The following PDIA5 variants were observed in gnomAD, a reference collection of about 807,000 sequenced individuals.
PDIA5 encodes protein disulfide-isomerase A5.
Under a neutral mutation model 77.6 loss-of-function variants are expected in PDIA5, and 58 were observed. The ratio of observed to expected loss-of-function variants is 0.75; its 90% confidence interval spans 0.61 to 0.93. The LOEUF is 0.93. Among genes scored for constraint, PDIA5 ranks in the 40% least tolerant of loss-of-function variants. The pLI, the probability that PDIA5 is intolerant of heterozygous loss-of-function variation, is 0.00. For missense variants in PDIA5, 630 were observed against 647.7 expected (o/e 0.97, Z 0.30); for synonymous variants, 250 against 252.1 (o/e 0.99, Z 0.08).
At chr3:123,092,977 T>C (rs1054319201) in intron 3 of PDIA5, among the ~76,000 whole-genome samples, 2 of 152,210 alleles carry the variant, frequency 1.3e-5, no homozygotes, top group South Asian at 4.1e-4. Context: ...CTTCTAAATC[T>C]TTAATGTAGC....
chr3:123,131,350 G>A (rs1220945855), intron 11 of PDIA5, among the ~76,000 whole-genome samples: 1 of 151,798 alleles, frequency 6.6e-6, no homozygotes, highest in African/African-American at 2.4e-5. Context: ...AACCTGGGAG[G>A]TAGAGGTTAT....
chr3:123,126,081 T>G (rs1330547916), intron 10 of PDIA5, among the ~76,000 whole-genome samples: 1 of 152,204 alleles, frequency 6.6e-6, no homozygotes, highest in African/African-American at 2.4e-5. Context: ...CATATCTTTT[T>G]TGGAAGGATA....
intron 13 of PDIA5, among the ~76,000 whole-genome samples, chr3:123,148,250 G>T (rs1008831599): frequency 6.6e-6 from 1 of 152,146 alleles, no homozygotes; most frequent in African/African-American, 2.4e-5. Flanking sequence ...GCTCAGCACA[G>T]GACATGATGT....
intron 5 of PDIA5, among the ~76,000 whole-genome samples, chr3:123,104,531 G>A (rs551850023): frequency 8.1e-4 from 124 of 152,370 alleles, no homozygotes; most frequent in African/African-American, 2.8e-3. Context: ...CCGCATGGTT[G>A]GGCAGAAGCC....
intron 1 of PDIA5, chr3:123,067,427 G>T (rs767667382): frequency 2.0e-4 from 80 of 408,354 alleles, no homozygotes; most frequent in Middle Eastern, 1.2e-3. Context: ...GGGGCAGGAG[G>T]CAGCTGTGGG....
chr3:123,095,779 C>T (rs1040602962), intron 3 of PDIA5, among the ~76,000 whole-genome samples: 1 of 149,788 alleles, frequency 6.7e-6, no homozygotes, highest in Non-Finnish European at 1.5e-5. Flanking sequence ...GTACAGGGTG[C>T]AGTGCAGTGG....
chr3:123,117,374 T>TTATATACATATATATATATA (rs1935020324), intron 8 of PDIA5, among the ~76,000 whole-genome samples: 1 of 79,872 alleles, frequency 1.3e-5, no homozygotes, highest in Non-Finnish European at 2.4e-5. Flanking sequence ...TTCTATGATT[T>TTATATACATATATATATATA]TATATATATA....
chr3:123,150,597 G>A (rs112374625), intron 14 of PDIA5, among the ~76,000 whole-genome samples: 139 of 152,168 alleles, frequency 9.1e-4, no homozygotes, highest in African/African-American at 3.0e-3. Flanking sequence ...AGCCTTTCTC[G>A]TGTCTGTCCT....
At chr3:123,104,350 G>A (rs1415853134) in intron 5 of PDIA5, among the ~76,000 whole-genome samples, 2 of 152,184 alleles carry the variant, frequency 1.3e-5, no homozygotes, top group East Asian at 3.9e-4. Flanking sequence ...GACTGCTGAT[G>A]GCTTCTGCTT....
intron 3 of PDIA5, among the ~76,000 whole-genome samples, chr3:123,096,399 G>A (rs1305952649): frequency 6.6e-6 from 1 of 151,960 alleles, no homozygotes; most frequent in Non-Finnish European, 1.5e-5. Flanking sequence ...ATGTTGCCCC[G>A]GCTGGTCTTG....
intron 5 of PDIA5, among the ~76,000 whole-genome samples, chr3:123,106,040 C>T (rs1431664847): frequency 2.0e-5 from 3 of 152,158 alleles, no homozygotes; most frequent in East Asian, 1.9e-4. Flanking sequence ...CAAAGGCCAG[C>T]GAAGCCCTTT....
intron 8 of PDIA5, among the ~76,000 whole-genome samples, chr3:123,116,730 C>T (rs535813833): frequency 5.4e-4 from 82 of 152,204 alleles, no homozygotes; most frequent in African/African-American, 1.9e-3. Context: ...CTCACAGAGG[C>T]AAAGGCCTGT....
chr3:123,095,700 G>T (rs757043222), intron 3 of PDIA5, among the ~76,000 whole-genome samples: 11 of 144,354 alleles, frequency 7.6e-5, no homozygotes, highest in Non-Finnish European at 1.3e-4. Flanking sequence ...AGTGAGCCGA[G>T]ATCACGCCAT....
chr3:123,104,142 G>A (rs1188996828), intron 5 of PDIA5, among the ~76,000 whole-genome samples: 8 of 152,190 alleles, frequency 5.3e-5, no homozygotes, highest in Non-Finnish European at 7.3e-5. Flanking sequence ...AAGACCAGAC[G>A]TGTGAGGTCA....
intron 8 of PDIA5, among the ~76,000 whole-genome samples, chr3:123,116,762 G>T (rs764731472): frequency 1.3e-5 from 2 of 152,192 alleles, no homozygotes; most frequent in African/African-American, 4.8e-5. Context: ...AGGCTCTGTG[G>T]TTCCTGTGGG....
At chr3:123,130,036 C>T (rs926346088) in intron 10 of PDIA5, among the ~76,000 whole-genome samples, 1 of 152,192 alleles carries the variant, frequency 6.6e-6, no homozygotes, top group African/African-American at 2.4e-5. Flanking sequence ...CTCTCTGTAC[C>T]CTCTTCCTCC....
chr3:123,076,045 C>A (rs899385039), intron 1 of PDIA5, among the ~76,000 whole-genome samples: 4 of 152,056 alleles, frequency 2.6e-5, no homozygotes, highest in African/African-American at 7.2e-5. Flanking sequence ...ATGCTGGTAG[C>A]AGAGGGAAGA....
At chr3:123,100,063 C>A (rs1384864114) in intron 3 of PDIA5, among the ~76,000 whole-genome samples, 1 of 152,222 alleles carries the variant, frequency 6.6e-6, no homozygotes, top group Non-Finnish European at 1.5e-5. Flanking sequence ...GGCCCCTGCC[C>A]CAGCTGCTGT....
chr3:123,077,872 C>T (rs978906421), intron 1 of PDIA5, among the ~76,000 whole-genome samples: 2 of 150,120 alleles, frequency 1.3e-5, no homozygotes, highest in South Asian at 4.2e-4. Context: ...TGCAGTGGTG[C>T]GATCTCAGCT....
Sources: allele counts gnomAD v4.1 joint callset (sites outside exome capture counted in the v4.1 genomes callset), GRCh38; gene constraint gnomAD v4.1.1; transcripts MANE v1.5; gene names NCBI Gene and HGNC (gene_info 2026-07-23, HGNC 2026-07-21).